Variants in CEPT1 observed in about 807,000 individuals in gnomAD.
CEPT1 encodes the protein choline/ethanolaminephosphotransferase 1.
A neutral mutation model predicts 42.6 loss-of-function variants in CEPT1; 7 were observed. The ratio of observed to expected loss-of-function variants is 0.16; its 90% CI spans 0.09 to 0.31. The LOEUF (loss-of-function observed/expected upper bound fraction) is 0.31, where lower values mean the gene tolerates loss of function less well. Among genes scored for constraint, CEPT1 ranks in the 10% least tolerant of loss-of-function variants. The pLI, the probability that CEPT1 is intolerant of heterozygous loss-of-function variation, is 1.00. For synonymous variants in CEPT1, 171 were observed against 171.9 expected (o/e 0.99, Z 0.04); for missense variants, 306 against 502.1 (o/e 0.61, Z 3.73).
intron 2 of CEPT1, among the ~76,000 whole-genome samples, chr1:111,149,376 C>T (rs896883806): frequency 1.3e-5 from 2 of 150,748 alleles, no homozygotes; most frequent in African/African-American, 4.9e-5. Context: ...GATTCTCCTG[C>T]CTCAGCCTCC....
chr1:111,149,792 C>T (rs1365605297), intron 2 of CEPT1, among the ~76,000 whole-genome samples: 1 of 152,164 alleles, frequency 6.6e-6, no homozygotes, highest in Non-Finnish European at 1.5e-5. Context: ...CAGTGGAAGA[C>T]CTCCAGTACT....
In CEPT1 at chr1:111,143,196, A is replaced by G. The variant is rs181946062; in HGVS notation, c.-74+2889A>G. Among the ~76,000 whole-genome samples the G allele has an allele frequency of 2.6e-5, 4 of 152,278 alleles. No homozygotes were observed. In the East Asian group the frequency reaches 7.7e-4, roughly 29 times the overall value. ...CCATTCTTCCATCTGGTTTACTCCTATCCATCCATGGTGATCTCTCTCGTA... is the reference window on the plus strand; with the variant it reads ...CCATTCTTCCATCTGGTTTACTCCTGTCCATCCATGGTGATCTCTCTCGTA... On this transcript the variant is annotated intron_variant, in intron 1 of 8. Transcript: ENST00000357172.
intron 5 of CEPT1, chr1:111,179,189 G>A (rs188609736): frequency 1.7e-4 from 26 of 152,170 alleles, no homozygotes; most frequent in Non-Finnish European, 1.5e-5. Context: ...TTTGTAATCT[G>A]GTAAAGATAC....
chr1:111,171,084 T>C (rs1656390951), intron 4 of CEPT1, among the ~76,000 whole-genome samples: 1 of 152,224 alleles, frequency 6.6e-6, no homozygotes. Context: ...AGATGATTAA[T>C]GTGCTTAGCT....
At chr1:111,171,792 G>A (rs1453227159) in intron 4 of CEPT1, among the ~76,000 whole-genome samples, 1 of 152,212 alleles carries the variant, frequency 6.6e-6, no homozygotes, top group African/African-American at 2.4e-5. Flanking sequence ...AGGCTGGAGT[G>A]CAATGGCACA....
At chr1:111,168,959 A>C (rs532870080) in intron 4 of CEPT1, among the ~76,000 whole-genome samples, 1 of 152,318 alleles carries the variant, frequency 6.6e-6, no homozygotes, top group African/African-American at 2.4e-5. Flanking sequence ...TTCCTGATAT[A>C]AGGTGGTGTA....
intron 5 of CEPT1, chr1:111,178,307 T>A (rs1353656574): frequency 6.6e-6 from 1 of 152,212 alleles, no homozygotes; most frequent in Non-Finnish European, 1.5e-5. Flanking sequence ...ACAGTGCAGA[T>A]GTCTTCATAA....
At chr1:111,175,081 C>A in intron 5 of CEPT1, 118 bp downstream of exon 5, 1 of 681,084 alleles carries the variant, frequency 1.5e-6, no homozygotes, top group Non-Finnish European at 2.7e-6. Context: ...TTTTTCCAAA[C>A]AGTAGAACAC....
intron 1 of CEPT1, among the ~76,000 whole-genome samples, chr1:111,144,672 T>C (rs1654859742): frequency 6.6e-6 from 1 of 152,198 alleles, no homozygotes; most frequent in Admixed American, 6.5e-5. Flanking sequence ...CACTCATCTT[T>C]TTTTCTTTAC....
At chr1:111,183,621 G>A (rs775238925) in intron 8 of CEPT1, 34 bp downstream of exon 8, 52 of 1,586,750 alleles carry the variant, frequency 3.3e-5, no homozygotes, top group Non-Finnish European at 4.1e-5. Flanking sequence ...TTCATGGTTT[G>A]AGGGTTTGAA....
chr1:111,176,176 T>C (rs971766219), intron 5 of CEPT1, among the ~76,000 whole-genome samples: 1 of 152,162 alleles, frequency 6.6e-6, no homozygotes, highest in African/African-American at 2.4e-5. Context: ...CTGAAACTAT[T>C]CAGTTATGTA....
chr1:111,179,135 A>G (rs941186379), intron 5 of CEPT1: 4 of 152,228 alleles, frequency 2.6e-5, no homozygotes, highest in African/African-American at 9.6e-5. Flanking sequence ...ACTAACTGAT[A>G]TTAGTCTGCA....
chr1:111,152,709 A>G (rs762770084), intron 2 of CEPT1, among the ~76,000 whole-genome samples: 3 of 152,156 alleles, frequency 2.0e-5, no homozygotes, highest in African/African-American at 4.8e-5. Flanking sequence ...TGGAACTCCA[A>G]TTATGCTTTT....
intron 4 of CEPT1, among the ~76,000 whole-genome samples, chr1:111,168,097 C>A (rs1263975522): frequency 1.3e-5 from 2 of 151,986 alleles, no homozygotes; most frequent in Admixed American, 1.3e-4. Context: ...TGGTCTTGAA[C>A]TTCTGGCCTC....
chr1:111,151,552 A>AT (rs1655279390), intron 2 of CEPT1, among the ~76,000 whole-genome samples: 1 of 152,170 alleles, frequency 6.6e-6, no homozygotes, highest in Non-Finnish European at 1.5e-5. Context: ...GAATTTAAAC[A>AT]TTTTCTGGAT....
chr1:111,167,881 G>A (rs1225308347), intron 4 of CEPT1: 40 of 583,804 alleles, frequency 6.9e-5, no homozygotes, highest in Non-Finnish European at 2.8e-5. Context: ...TAAAAGTAAT[G>A]TATCTTTTTC....
intron 5 of CEPT1, among the ~76,000 whole-genome samples, chr1:111,176,573 G>T (rs1481269979): frequency 6.6e-6 from 1 of 152,118 alleles, no homozygotes; most frequent in African/African-American, 2.4e-5. Context: ...GGTTTATACA[G>T]GTTAAGTATC....
chr1:111,146,612 A>G (rs971517117), intron 1 of CEPT1, among the ~76,000 whole-genome samples: 1 of 152,114 alleles, frequency 6.6e-6, no homozygotes, highest in African/African-American at 2.4e-5. Context: ...AGATCACTGT[A>G]CTTACTAATT....
intron 4 of CEPT1, among the ~76,000 whole-genome samples, chr1:111,166,718 C>T (rs1204604130): frequency 1.3e-5 from 2 of 152,104 alleles, no homozygotes; most frequent in Non-Finnish European, 2.9e-5. Context: ...AAGAAGAATT[C>T]CTATCTACAG....
Sources: allele counts gnomAD v4.1 joint callset (sites outside exome capture counted in the v4.1 genomes callset), GRCh38; gene constraint gnomAD v4.1.1; transcripts MANE v1.5; gene names NCBI Gene and HGNC (gene_info 2026-07-23, HGNC 2026-07-21).